The following NPAT variants were observed in gnomAD, a reference collection of about 807,000 sequenced individuals.
NPAT encodes nuclear protein, coactivator of histone transcription.
NPAT carries 52 observed loss-of-function variants against 130.7 expected under a neutral mutation model. The ratio of observed to expected loss-of-function variants is 0.40; its 90% CI spans 0.32 to 0.50. The LOEUF is 0.50. Ranked by LOEUF, NPAT falls within the 20% of genes least tolerant of loss-of-function variation. NPAT has a pLI of 0.68. For synonymous variants in NPAT, 580 were observed against 584.8 expected (o/e 0.99, Z 0.12); for missense variants, 1,687 against 1,662.6 (o/e 1.01, Z -0.26).
chr11:108,186,076 G>C (rs1490635814), intron 8 of NPAT, among the ~76,000 whole-genome samples: 2 of 151,778 alleles, frequency 1.3e-5, no homozygotes, highest in Non-Finnish European at 2.9e-5. Flanking sequence ...GAGTGTAGTG[G>C]TATGATCATG....
intron 1 of NPAT, among the ~76,000 whole-genome samples, 170 bp from the exon 2 acceptor site, chr11:108,197,590 G>C (rs1373200097): frequency 6.6e-6 from 1 of 152,164 alleles, no homozygotes; most frequent in African/African-American, 2.4e-5. Flanking sequence ...GCAATACAAA[G>C]TACAGTTCAT....
In NPAT at chr11:108,176,105, G is replaced by GT. The variant is rs1340401365; in HGVS notation, c.1132+140dup. 54 of 661,926 alleles carry GT rather than the reference G, an allele frequency of 8.2e-5. No individual in the cohort carries two copies. In the Middle Eastern group the frequency reaches 1.3e-3, roughly 15 times the overall value. The allele number at this position is 661,926 out of a possible 1,614,324, so 41.0% of individuals were successfully genotyped here. On this transcript the variant is annotated intron_variant, in intron 12 of 17. Transcript: ENST00000278612. ...ATCAAACTACCAAAGATTTATAATT[G>GT]TTTTTAACAGAGAGAAAAATACAAA... is the stretch of plus-strand genomic sequence containing the variant.
chr11:108,208,588 T>TTA, intron 1 of NPAT: 1 of 273,042 alleles, frequency 3.7e-6, no homozygotes, highest in South Asian at 2.8e-5. Context: ...ACCCTGTCTT[T>TTA]AAAAAAAAAA....
chr11:108,170,176 T>A, intron 13 of NPAT, 133 bp from the exon 14 acceptor site: 1 of 612,096 alleles, frequency 1.6e-6, no homozygotes, highest in Non-Finnish European at 2.9e-6. Context: ...TACGATCCAC[T>A]CTCCAAAAAC....
At chr11:108,187,618 T>C (rs1023133725) in intron 7 of NPAT, among the ~76,000 whole-genome samples, 4 of 151,972 alleles carry the variant, frequency 2.6e-5, no homozygotes, top group African/African-American at 9.7e-5. Context: ...GAATAAACAT[T>C]TTAAAACTAT....
chr11:108,180,751 T>C (rs1288300751), intron 10 of NPAT, among the ~76,000 whole-genome samples: 1 of 152,232 alleles, frequency 6.6e-6, no homozygotes. Context: ...TGTACACCCA[T>C]GTTCATTGCA....
Position 108,173,077 on chromosome 11 carries a change from G to C in NPAT, c.1907C>G (p.Ser636Cys), listed in dbSNP as rs2077969745. ...GDSLSSTKQP[S>C]NDSASVELNH... Reference sequence around the variant, plus strand: ...TAACTCAACAGATGCTGAATCATTAGATGGTTGTTTAGTAGAAGACAGCGA... The same window carrying C: ...TAACTCAACAGATGCTGAATCATTACATGGTTGTTTAGTAGAAGACAGCGA... Residue 636 changes from serine (S) to cysteine (C), a missense_variant, in exon 13 of 18, where the codon TCT becomes TGT. Physicochemically the swap from Ser to Cys is moderately radical, Grantham distance 112. Transcript: ENST00000278612. 7 of 1,614,056 alleles carry C rather than the reference G, an allele frequency of 4.3e-6. No homozygotes were observed. The highest frequency in any genetic ancestry group is 5.9e-6 in the Non-Finnish European group (7 of 1,179,994).
intron 4 of NPAT, 122 bp from the exon 5 acceptor site, chr11:108,190,622 C>T: frequency 2.5e-6 from 2 of 799,024 alleles, no homozygotes; most frequent in Non-Finnish European, 4.3e-6. Flanking sequence ...CTCTCTCAGA[C>T]AAAAAAGACA....
chr11:108,173,218 A>G lies in NPAT; in HGVS notation c.1766T>C (p.Met589Thr). ...ATCTTGGCAATTTGATAGCTGTGAC[A>G]TAACTGGTTCTAACACATTAATTTC... Reference protein sequence around the residue: ...KIEINVLEPVMSQLSNCQDNS... With the variant: ...KIEINVLEPVTSQLSNCQDNS... The change falls in exon 13 of 18, where the codon ATG (methionine) becomes ACG (threonine). Residue 589 changes from methionine (M) to threonine (T), a missense_variant. Physicochemically the swap from Met to Thr is moderately conservative, Grantham distance 81. This residue lies in a region of NPAT where 1,379 missense variants were observed against 1,346.6 expected (regional missense o/e 1.02). Coordinates refer to ENST00000278612, the MANE Select transcript of NPAT (RefSeq NM_002519.3). 1 of 1,613,610 alleles carries G rather than the reference A, an allele frequency of 6.2e-7. No individual in the cohort carries two copies. The highest frequency in any genetic ancestry group is 8.5e-7 in the Non-Finnish European group (1 of 1,179,792).
chr11:108,191,972 G>T, intron 4 of NPAT, 146 bp downstream of exon 4: 1 of 668,888 alleles, frequency 1.5e-6, no homozygotes. Context: ...ATGTCAGTCA[G>T]TAACCTCCAC....
At position 108,169,949 on chromosome 11, in the gene NPAT, G is replaced by A. The variant is rs749086655; in HGVS notation, c.2880C>T (p.Asn960=). The change falls in exon 14 of 18, where the codon AAC becomes AAT. Residue 960 remains asparagine (N), a synonymous_variant. Transcript: ENST00000278612. The part of the protein sequence containing the change: ...PVSVVGQNGN[N]FSTPPRQVLH... ...TTACCTGCCGAGGAGGAGTAGAAAAGTTATTTCCATTCTGTCCAACCACAG... is the reference window on the plus strand; with the variant it reads ...TTACCTGCCGAGGAGGAGTAGAAAAATTATTTCCATTCTGTCCAACCACAG... 1 of 1,613,638 alleles carries A rather than the reference G, an allele frequency of 6.2e-7. No individual in the cohort carries two copies. The highest frequency in any genetic ancestry group is 1.1e-5 in the South Asian group (1 of 91,080).
chr11:108,167,482 G>C (rs1373904904), intron 15 of NPAT, among the ~76,000 whole-genome samples: 1 of 152,104 alleles, frequency 6.6e-6, no homozygotes, highest in Non-Finnish European at 1.5e-5. Flanking sequence ...CAAGGTGCTG[G>C]GATTATGGGG....
chr11:108,177,917 T>C (rs1431113408), intron 10 of NPAT, among the ~76,000 whole-genome samples: 2 of 152,074 alleles, frequency 1.3e-5, no homozygotes, highest in African/African-American at 2.4e-5. Flanking sequence ...GATGGGGTTT[T>C]GCCATGTTGC....
At position 108,185,395 on chromosome 11, in the gene NPAT, T is replaced by C; in HGVS notation, c.818+8A>G. The C allele has an allele frequency of 1.3e-6, 2 of 1,582,364 alleles. No homozygotes were observed. Among genetic ancestry groups the C allele is most frequent in the Non-Finnish European group, 1.7e-6 (2 of 1,152,608 alleles). ...AACAATTAGGCATTTTAAACATATA[T>C]AGCTTACCTAGTTAAAAATTTATTT... On this transcript the variant is annotated splice_region_variant and intron_variant, in intron 9 of 17. Transcript: ENST00000278612.
At chr11:108,165,678 T>C (rs1458173226) in intron 15 of NPAT, among the ~76,000 whole-genome samples, 1 of 151,112 alleles carries the variant, frequency 6.6e-6, no homozygotes, top group Non-Finnish European at 1.5e-5. Context: ...TCGCCCAGGC[T>C]GGAGTGCAGT....
chr11:108,158,922 T>C lies in NPAT; in HGVS notation c.*20A>G. 6.8e-7 allele frequency: 1 copy of C among 1,462,212 alleles called. No homozygotes were observed. The highest frequency in any genetic ancestry group is 9.6e-7 in the Non-Finnish European group (1 of 1,044,560). 90.6% of individuals were successfully genotyped at this position (1,462,212 alleles called of 1,614,324 possible). ...GGATATGAGTTTTTAACACCTACTG[T>C]TCTTATGTGTCCAGAATGTTTACTC... On this transcript the variant is annotated 3_prime_UTR_variant, in exon 18 of 18. Coordinates refer to ENST00000278612, the MANE Select transcript of NPAT (RefSeq NM_002519.3).
intron 1 of NPAT, among the ~76,000 whole-genome samples, chr11:108,215,199 A>G (rs998413450): frequency 2.0e-5 from 3 of 152,192 alleles, no homozygotes; most frequent in Non-Finnish European, 4.4e-5. Flanking sequence ...ATATTCCCTT[A>G]TAGGTATTAC....
chr11:108,193,851 C>G (rs1481373660), intron 3 of NPAT, 106 bp downstream of exon 3: 10 of 708,404 alleles, frequency 1.4e-5, no homozygotes, highest in Non-Finnish European at 2.4e-5. Context: ...CAAGTTTTTT[C>G]AAGGCTTTTA....
intron 6 of NPAT, among the ~76,000 whole-genome samples, 193 bp from the exon 7 acceptor site, chr11:108,188,372 A>C (rs1275758099): frequency 6.6e-6 from 1 of 152,232 alleles, no homozygotes; most frequent in African/African-American, 2.4e-5. Flanking sequence ...TTAAGGTTTT[A>C]CAATAAAATC....
Sources: allele counts gnomAD v4.1 joint callset (sites outside exome capture counted in the v4.1 genomes callset), GRCh38; gene constraint gnomAD v4.1.1; regional missense constraint gnomAD v4.1.1; transcripts MANE v1.5; gene names NCBI Gene and HGNC (gene_info 2026-07-23, HGNC 2026-07-21).